The following MN1 variants were observed in gnomAD, a reference collection of about 807,000 sequenced individuals.
The protein encoded by MN1 is MN1 proto-oncogene, transcriptional regulator.
A neutral mutation model predicts 86.9 loss-of-function variants in MN1; 19 were observed. That is an observed-to-expected ratio of 0.22 (90% CI 0.15 to 0.32). MN1 has a LOEUF of 0.32. Ranked by LOEUF, MN1 falls within the 10% of genes least tolerant of loss-of-function variation. The pLI is 1.00. For missense variants in MN1, 1,841 were observed against 1,862.0 expected (o/e 0.99, Z 0.21); for synonymous variants, 928 against 849.6 (o/e 1.09, Z -1.60).
In MN1 at chr22:27,797,447, T is replaced by G; in HGVS notation, c.3097A>C (p.Lys1033Gln). 1 of 1,605,770 alleles carries G rather than the reference T, an allele frequency of 6.2e-7. No individual in the cohort carries two copies. The highest frequency in any genetic ancestry group is 8.5e-7 in the Non-Finnish European group (1 of 1,176,262). The change falls in exon 1 of 2, where the codon AAG becomes CAG. Residue 1033 changes from lysine (K) to glutamine (Q), a missense_variant. Lys to Gln is a moderately conservative substitution (Grantham distance 53, BLOSUM62 1). Transcript: ENST00000302326. ...DLIGSLDGGA[K>Q]SDSSSPNVGE... ...ACGTTTGGCGAACTACTGTCCGACT[T>G]GGCCCCGCCGTCCAGGGACCCAATG...
chr22:27,796,661 G>GC, intron 1 of MN1, 102 bp downstream of exon 1: 1 of 1,205,964 alleles, frequency 8.3e-7, no homozygotes, highest in South Asian at 1.5e-5. Context: ...GAGGGTTTGT[G>GC]CCCTCCAAAC....
intron 1 of MN1, among the ~76,000 whole-genome samples, chr22:27,783,270 G>T (rs1933078706): frequency 6.6e-6 from 1 of 151,962 alleles, no homozygotes; most frequent in Non-Finnish European, 1.5e-5. Context: ...GAGTAGCTGG[G>T]ATTACAGACA....
rs45451602 is a variant in MN1 at position 27,749,265 on chromosome 22, T to C, written c.*1650A>G. 212 of 231,672 alleles carry C rather than the reference T, an allele frequency of 9.2e-4. 2 individuals carry two copies. Among genetic ancestry groups the C allele is most frequent in the African/African-American group, 4.4e-3 (201 of 45,404 alleles). 14.4% of individuals were successfully genotyped at this position (231,672 alleles called of 1,614,324 possible). On this transcript the variant is annotated 3_prime_UTR_variant, in exon 2 of 2. Coordinates refer to ENST00000302326, the MANE Select transcript of MN1 (RefSeq NM_002430.3). ...TGAAATAAACAACGTGGGTGTTGTA[T>C]GGTGAGCCCAGAGCCTTCAGGTCAC...
chr22:27,766,978 C>T (rs530714796), intron 1 of MN1, among the ~76,000 whole-genome samples: 1 of 152,318 alleles, frequency 6.6e-6, no homozygotes. Context: ...AAGGAGGTCT[C>T]TTCAAGTCCC....
At chr22:27,754,096 T>G (rs1158910827) in intron 1 of MN1, among the ~76,000 whole-genome samples, 1 of 152,142 alleles carries the variant, frequency 6.6e-6, no homozygotes. Context: ...AAAGGAGAGA[T>G]AAACTCTTTG....
At chr22:27,758,091 A>C (rs1431180065) in intron 1 of MN1, among the ~76,000 whole-genome samples, 1 of 151,808 alleles carries the variant, frequency 6.6e-6, no homozygotes, top group East Asian at 1.9e-4. Flanking sequence ...GAGTTTCCTG[A>C]AGCACCAACC....
rs1933420487 is a variant in MN1, at chr22:27,800,705, G to A, written c.-162C>T. On this transcript the variant is annotated 5_prime_UTR_variant, in exon 1 of 2. Coordinates refer to ENST00000302326, the MANE Select transcript of MN1 (RefSeq NM_002430.3). ...CCACCCCGCCTGATGTGAGGGACGG[G>A]GGGCGGGGTATTAGCTCCTCTCCTG... 12 of 809,142 alleles carry A rather than the reference G, an allele frequency of 1.5e-5. No homozygotes were observed. Among genetic ancestry groups the A allele is most frequent in the Non-Finnish European group, 2.3e-5 (12 of 517,032 alleles). 50.1% of individuals were successfully genotyped at this position (809,142 alleles called of 1,614,324 possible).
chr22:27,786,542 T>C (rs978346738), intron 1 of MN1, among the ~76,000 whole-genome samples: 1 of 151,620 alleles, frequency 6.6e-6, no homozygotes, highest in African/African-American at 2.4e-5. Flanking sequence ...TGTCCACCCA[T>C]GTGCAGAGAC....
intron 1 of MN1, 37 bp from the exon 2 acceptor site, chr22:27,751,133 C>T (rs1216615740): frequency 6.6e-7 from 1 of 1,510,270 alleles, no homozygotes; most frequent in African/African-American, 1.4e-5. Context: ...ATTAGTGGCA[C>T]ACTCGTCTCT....
rs113365837 is a variant in MN1, at chr22:27,772,852, C to CCATCATCAT, written c.3782-21765_3782-21757dup. 7.5e-3 allele frequency among the ~76,000 whole-genome samples: 1,112 copies of CCATCATCAT among 147,524 alleles called. 20 individuals are homozygous for CCATCATCAT. Among genetic ancestry groups the CCATCATCAT allele is most frequent in the African/African-American group, 0.027 (1,055 of 39,504 alleles). On this transcript the variant is annotated intron_variant, in intron 1 of 1. Coordinates refer to ENST00000302326, the MANE Select transcript of MN1 (RefSeq NM_002430.3). ...GATGCTGCTGTCACTATCACCATTG[C>CCATCATCAT]CATCATCATCATCATCATCATCATC...
chr22:27,757,324 C>T (rs963987246), intron 1 of MN1, among the ~76,000 whole-genome samples: 5 of 152,176 alleles, frequency 3.3e-5, no homozygotes, highest in Admixed American at 6.5e-5. Flanking sequence ...CGTGAGCCAC[C>T]GCACCCGGCG....
Position 27,797,490 on chromosome 22 carries a change from C to T in MN1, c.3054G>A (p.Leu1018=), listed in dbSNP as rs1219815004. The T allele has an allele frequency of 1.9e-6, 3 of 1,600,422 alleles. No individual in the cohort carries two copies. The African/African-American group carries it at 4.0e-5, about 21-fold the overall frequency. The part of the protein sequence containing the change: ...PSWGKGAELL[L]GDQPDLIGSL... ...ACCCAATGAGGTCCGGCTGATCCCC[C>T]AGGAGCAACTCAGCCCCCTTCCCCC... Residue 1018 remains leucine (L), a synonymous_variant, in exon 1 of 2, where the codon CTG becomes CTA. Transcript: ENST00000302326.
Position 27,796,854 on chromosome 22 carries a change from G to C in MN1, c.3690C>G (p.Pro1230=). ...CGCTGTCCACCAGGGCCTTGTCAGC[G>C]GGCATGTACCAGGCAGCGCTGTGCT... is the stretch of plus-strand genomic sequence containing the variant. The part of the protein sequence containing the change: ...MAEHSAAWYM[P]ADKALVDSAD... Residue 1230 remains proline, a synonymous_variant, in exon 1 of 2, where the codon CCC becomes CCG. Coordinates refer to ENST00000302326, the MANE Select transcript of MN1 (RefSeq NM_002430.3). 2 of 1,612,988 alleles carry C rather than the reference G, an allele frequency of 1.2e-6. No individual in the cohort carries two copies. The highest frequency in any genetic ancestry group is 1.1e-5 in the South Asian group (1 of 91,082).
chr22:27,757,659 A>G (rs1283433858), intron 1 of MN1, among the ~76,000 whole-genome samples: 1 of 152,094 alleles, frequency 6.6e-6, no homozygotes, highest in Non-Finnish European at 1.5e-5. Flanking sequence ...GTTCTGTGAC[A>G]GCTGCCACTC....
In MN1 at chr22:27,800,981, G is replaced by A. The variant is rs1393506804; in HGVS notation, c.-438C>T. ...TCTGCTGGGGAGCCCTCAGGACGCC[G>A]CCCGCAGCCTCCCGGAGTCCGTGGC... On this transcript the variant is annotated 5_prime_UTR_variant, in exon 1 of 2. Coordinates refer to ENST00000302326, the MANE Select transcript of MN1 (RefSeq NM_002430.3). 4 of 298,150 alleles carry A rather than the reference G, an allele frequency of 1.3e-5. No homozygotes were observed. Among genetic ancestry groups the A allele is most frequent in the Non-Finnish European group, 2.5e-5 (4 of 157,932 alleles). 18.5% of individuals were successfully genotyped at this position (298,150 alleles called of 1,614,324 possible).
intron 1 of MN1, among the ~76,000 whole-genome samples, chr22:27,787,099 T>C (rs1933144619): frequency 6.6e-6 from 1 of 152,176 alleles, no homozygotes; most frequent in Non-Finnish European, 1.5e-5. Context: ...AATTATTTAT[T>C]CATTTCTTAT....
intron 1 of MN1, among the ~76,000 whole-genome samples, chr22:27,775,789 A>T (rs1179288281): frequency 6.6e-6 from 1 of 152,228 alleles, no homozygotes; most frequent in Non-Finnish European, 1.5e-5. Flanking sequence ...TTGAACCCAG[A>T]GGCAGGGCCT....
intron 1 of MN1, among the ~76,000 whole-genome samples, chr22:27,778,205 T>C (rs1933004923): frequency 6.6e-6 from 1 of 152,190 alleles, no homozygotes; most frequent in Non-Finnish European, 1.5e-5. Context: ...AGTGGGTATA[T>C]GGGGCCAGGG....
intron 1 of MN1, among the ~76,000 whole-genome samples, chr22:27,795,765 A>G (rs1933283827): frequency 6.6e-6 from 1 of 151,726 alleles, no homozygotes; most frequent in African/African-American, 2.4e-5. Flanking sequence ...GACATTTTAA[A>G]CCTCCATTCA....
Sources: allele counts gnomAD v4.1 joint callset (sites outside exome capture counted in the v4.1 genomes callset), GRCh38; gene constraint gnomAD v4.1.1; transcripts MANE v1.5; gene names NCBI Gene and HGNC (gene_info 2026-07-23, HGNC 2026-07-21).